The following LRP1 variants were observed in gnomAD, a reference collection of about 807,000 sequenced individuals.
The protein encoded by LRP1 is LDL receptor related protein 1.
LRP1 carries 51 observed loss-of-function variants against 541.5 expected under a neutral mutation model. That is an observed-to-expected ratio of 0.09 (90% CI 0.08 to 0.12). LRP1 has a LOEUF of 0.12. Among genes scored for constraint, LRP1 ranks in the 10% least tolerant of loss-of-function variants. The pLI is 1.00. For missense variants in LRP1, 3,878 were observed against 6,376.2 expected (o/e 0.61, Z 13.34); for synonymous variants, 2,219 against 2,470.8 (o/e 0.90, Z 3.02).
intron 6 of LRP1, among the ~76,000 whole-genome samples, chr12:57,146,015 G>A (rs1012863620): frequency 6.6e-6 from 1 of 152,200 alleles, no homozygotes; most frequent in Non-Finnish European, 1.5e-5. Context: ...CTTTGTGGCA[G>A]TGAATGAGGC....
chr12:57,168,837 C>A (rs1364830166), intron 19 of LRP1, among the ~76,000 whole-genome samples: 1 of 152,198 alleles, frequency 6.6e-6, no homozygotes, highest in African/African-American at 2.4e-5. Flanking sequence ...AGCAAGCAGA[C>A]CCCTGTTCCC....
chr12:57,145,527 G>A (rs139700144), intron 6 of LRP1, 37 bp downstream of exon 6: 5 of 1,603,292 alleles, frequency 3.1e-6, no homozygotes, highest in East Asian at 2.2e-5. Context: ...GGCTGGGGAG[G>A]GTAGGGGAGA....
At chr12:57,166,870 G>C (rs2035850431) in intron 17 of LRP1, 60 bp from the exon 18 acceptor site, 2 of 862,942 alleles carry the variant, frequency 2.3e-6, no homozygotes, top group Non-Finnish European at 3.9e-6. Flanking sequence ...TAATAGGGAA[G>C]AAGAGGCAGT....
chr12:57,148,467 T>C (rs1169569254), intron 6 of LRP1, among the ~76,000 whole-genome samples: 1 of 152,052 alleles, frequency 6.6e-6, no homozygotes, highest in Non-Finnish European at 1.5e-5. Flanking sequence ...CTGACCAGTC[T>C]CTCAGCTCCA....
At position 57,156,790 on chromosome 12, in the gene LRP1, C is replaced by T; in HGVS notation, c.1431C>T (p.Ala477=). The change falls in exon 10 of 89, where the codon GCC becomes GCT. Residue 477 remains alanine (A), a synonymous_variant. Coordinates refer to ENST00000243077, the MANE Select transcript of LRP1 (RefSeq NM_002332.3). The surrounding 1 kb of genome is among the most constrained non-coding windows in gnomAD (Gnocchi z 5.2). Reference sequence around the variant, plus strand: ...CCCTGCCCCCAGTGAGGAGCCATGCCTGTGAAAACGACCAGTATGGGAAGC... The same window carrying T: ...CCCTGCCCCCAGTGAGGAGCCATGCTTGTGAAAACGACCAGTATGGGAAGC... ...QRRQPRVRSH[A]CENDQYGKPG... The T allele has an allele frequency of 6.2e-7, 1 of 1,609,128 alleles. No homozygotes were observed. The highest frequency in any genetic ancestry group is 8.5e-7 in the Non-Finnish European group (1 of 1,177,232).
chr12:57,173,537 G>T lies in LRP1; in HGVS notation c.3346+187G>T, dbSNP rs2035985016. ...GGGTGGGGGAAGGCATGAAGGGCCA[G>T]AGCCTGCACAGAGGACCTGAGAAGC... On this transcript the variant is annotated intron_variant, in intron 21 of 88. Coordinates refer to ENST00000243077, the MANE Select transcript of LRP1 (RefSeq NM_002332.3). The surrounding 1 kb of genome is among the most constrained non-coding windows in gnomAD (Gnocchi z 4.7). 2.6e-5 allele frequency among the ~76,000 whole-genome samples: 4 copies of T among 152,238 alleles called. No homozygotes were observed. The South Asian group carries it at 8.3e-4, about 32-fold the overall frequency.
In LRP1 at chr12:57,183,726, C is replaced by T; in HGVS notation, c.5795-49C>T. ...GCCTTGTGAGATTTTGACCCCTCAC[C>T]TTACCCCTGCCTTATTGGGCATCCC... On this transcript the variant is annotated intron_variant, in intron 35 of 88. Coordinates refer to ENST00000243077, the MANE Select transcript of LRP1 (RefSeq NM_002332.3). The surrounding 1 kb of genome is among the most constrained non-coding windows in gnomAD (Gnocchi z 6.1). 6.2e-7 allele frequency: 1 copy of T among 1,609,946 alleles called. No homozygotes were observed. The highest frequency in any genetic ancestry group is 8.5e-7 in the Non-Finnish European group (1 of 1,179,044).
In LRP1 at chr12:57,204,649, C is replaced by T. The variant is rs1475093719; in HGVS notation, c.11094C>T (p.Asn3698=). Residue 3698 remains asparagine, a synonymous_variant, in exon 72 of 89, where the codon AAC becomes AAT. Transcript: ENST00000243077. This position sits in a 1 kb window ranked among gnomAD's most constrained non-coding sequence, Gnocchi z 5.3. ...EECARFVCPP[N]RPFRCKNDRV... is the part of the protein sequence containing the mutation. ...CAGCCCGGTTCGTGTGCCCTCCCAA[C>T]CGGCCCTTCCGTTGCAAGAATGACC... 3 of 1,613,914 alleles carry T rather than the reference C, an allele frequency of 1.9e-6. No individual in the cohort carries two copies. Among genetic ancestry groups the T allele is most frequent in the East Asian group, 2.2e-5 (1 of 44,892 alleles).
intron 44 of LRP1, among the ~76,000 whole-genome samples, chr12:57,192,280 A>G (rs1251897141): frequency 6.6e-6 from 1 of 151,988 alleles, no homozygotes; most frequent in East Asian, 1.9e-4. Context: ...CCACCAAGGC[A>G]TCTACGCACA....
Position 57,145,204 on chromosome 12 carries a change from A to C in LRP1, c.578-23A>C, listed in dbSNP as rs1309206172. ...TGGTCCTAGAGCCCTGGCTGCACGG[A>C]CTCTTCTCTTCCCCATTCCCAGAGC... On this transcript the variant is annotated intron_variant, in intron 5 of 88. Transcript: ENST00000243077. 1.9e-6 allele frequency: 3 copies of C among 1,613,008 alleles called. No individual in the cohort carries two copies. The South Asian group carries it at 3.3e-5, about 18-fold the overall frequency.
intron 77 of LRP1, 96 bp downstream of exon 77, chr12:57,208,312 C>A: frequency 7.5e-7 from 1 of 1,330,368 alleles, no homozygotes; most frequent in Admixed American, 2.2e-5. Flanking sequence ...CCTTCCCTCC[C>A]AGGCCAGCCT....
rs1232846997 is a variant in LRP1, at chr12:57,201,543, A to G, written c.10392A>G (p.Lys3464=). The G allele has an allele frequency of 1.9e-6, 3 of 1,613,768 alleles. No individual in the cohort carries two copies. In the African/African-American group the frequency reaches 4.0e-5, roughly 22 times the overall value. Residue 3464 remains lysine, a synonymous_variant, in exon 66 of 89, where the codon AAA becomes AAG. Transcript: ENST00000243077. The surrounding 1 kb of genome is among the most constrained non-coding windows in gnomAD (Gnocchi z 6.4). The part of the protein sequence containing the change: ...APNQFQCSIT[K]RCIPRVWVCD... ...ACCAGTTCCAGTGCTCCATTACCAA[A>G]CGGTGCATCCCCCGGGTCTGGGTCT...
In LRP1 at chr12:57,156,642, G is replaced by A; in HGVS notation, c.1418-135G>A. ...GGGGGCAGAGGGTTTCCACCCCTGTGGCTTCCAAATCCTAAAATGGGATAG... is the reference window on the plus strand; with the variant it reads ...GGGGGCAGAGGGTTTCCACCCCTGTAGCTTCCAAATCCTAAAATGGGATAG... On this transcript the variant is annotated intron_variant, in intron 9 of 88. Coordinates refer to ENST00000243077, the MANE Select transcript of LRP1 (RefSeq NM_002332.3). This position sits in a 1 kb window ranked among gnomAD's most constrained non-coding sequence, Gnocchi z 5.2. 1 of 1,032,314 alleles carries A rather than the reference G, an allele frequency of 9.7e-7. No individual in the cohort carries two copies. The highest frequency in any genetic ancestry group is 3.3e-4 in the Middle Eastern group (1 of 3,068). The allele number at this position is 1,032,314 out of a possible 1,614,324, so 63.9% of individuals were successfully genotyped here.
intron 69 of LRP1, 43 bp downstream of exon 69, chr12:57,203,330 T>C (rs776981561): frequency 3.1e-6 from 5 of 1,589,454 alleles, no homozygotes; most frequent in South Asian, 2.2e-5. Context: ...CTCAGAGGAG[T>C]TCAGGCAGGG....
In LRP1 at chr12:57,197,021, C is replaced by T. The variant is rs374597290; in HGVS notation, c.8932C>T (p.Arg2978Trp). 108 of 1,613,492 alleles carry T rather than the reference C, an allele frequency of 6.7e-5. No homozygotes were observed. The highest frequency in any genetic ancestry group is 1.6e-4 in the Middle Eastern group (1 of 6,082). Residue 2978 changes from arginine (R) to tryptophan (W), a missense_variant, in exon 56 of 89, where the codon CGG becomes TGG. Coordinates refer to ENST00000243077, the MANE Select transcript of LRP1 (RefSeq NM_002332.3). This position sits in a 1 kb window ranked among gnomAD's most constrained non-coding sequence, Gnocchi z 4.5. ...RPGFRLKDDGRTCADVDECST... is the reference protein window; with the variant it reads ...RPGFRLKDDGWTCADVDECST... ...TGGCTTCCGGCTGAAGGACGACGGCCGGACGTGTGCTGATGTGGACGAGTG... is the reference window on the plus strand; with the variant it reads ...TGGCTTCCGGCTGAAGGACGACGGCTGGACGTGTGCTGATGTGGACGAGTG...
chr12:57,167,577 G>A, intron 19 of LRP1, 53 bp downstream of exon 19: 4 of 1,488,574 alleles, frequency 2.7e-6, no homozygotes, highest in Non-Finnish European at 3.7e-6. Context: ...AGAGGCTACA[G>A]CCAGGCCCTC....
At chr12:57,148,859 G>A in intron 6 of LRP1, 1 of 480,830 alleles carries the variant, frequency 2.1e-6, no homozygotes. Flanking sequence ...GGAGGTGGCT[G>A]GGGAGCTCAG....
In LRP1 at chr12:57,183,629, A is replaced by T; in HGVS notation, c.5794+119A>T. ...ATTGGCCTGAGGTGGGGCACTTGCTACAGCTGCCACCCTGACTCCACCTCC... is the reference window on the plus strand; with the variant it reads ...ATTGGCCTGAGGTGGGGCACTTGCTTCAGCTGCCACCCTGACTCCACCTCC... On this transcript the variant is annotated intron_variant, in intron 35 of 88. Coordinates refer to ENST00000243077, the MANE Select transcript of LRP1 (RefSeq NM_002332.3). The surrounding 1 kb of genome is among the most constrained non-coding windows in gnomAD (Gnocchi z 6.1). 6.7e-7 allele frequency: 1 copy of T among 1,482,202 alleles called. No individual in the cohort carries two copies. 91.8% of individuals were successfully genotyped at this position (1,482,202 alleles called of 1,614,324 possible). A position where few individuals can be genotyped will look rare whatever the true frequency, so the allele number is the denominator to read the frequency against.
chr12:57,179,952 C>T lies in LRP1; in HGVS notation c.5137C>T (p.Arg1713Cys), dbSNP rs765852423. 3.1e-5 allele frequency: 50 copies of T among 1,613,898 alleles called. 1 individual carries two copies. The South Asian group carries it at 3.8e-4, about 12-fold the overall frequency. The change falls in exon 30 of 89, where the codon CGT (arginine) becomes TGT (cysteine). Residue 1713 changes from arginine (R) to cysteine (C), a missense_variant. By Grantham distance (180) the Arg-to-Cys change is radical (BLOSUM62 -3). Transcript: ENST00000243077. The surrounding 1 kb of genome is among the most constrained non-coding windows in gnomAD (Gnocchi z 6.8). Reference protein sequence around the residue: ...QPHGLVVHPLRGKLYWTDGDN... With the variant: ...QPHGLVVHPLCGKLYWTDGDN... ...CCATGGCCTTGTCGTCCACCCTCTGCGTGGGTCAGTCTAGGGCCCAGGGCC... is the reference window on the plus strand; with the variant it reads ...CCATGGCCTTGTCGTCCACCCTCTGTGTGGGTCAGTCTAGGGCCCAGGGCC...
Sources: allele counts gnomAD v4.1 joint callset (sites outside exome capture counted in the v4.1 genomes callset), GRCh38; gene constraint gnomAD v4.1.1; non-coding constraint Gnocchi (gnomAD v3.1); transcripts MANE v1.5; gene names NCBI Gene and HGNC (gene_info 2026-07-23, HGNC 2026-07-21).